ATP6V1E1: variants seen among roughly 807,000 people sequenced by gnomAD.
ATP6V1E1 encodes the protein ATPase H+ transporting V1 subunit E1, also known as V-type proton ATPase subunit E 1.
In ATP6V1E1, 21 loss-of-function variants were observed where a neutral mutation model predicts 35.2. That is an observed-to-expected ratio of 0.60 (90% CI 0.42 to 0.86). ATP6V1E1 has a LOEUF of 0.86. Among genes scored for constraint, ATP6V1E1 ranks in the 40% least tolerant of loss-of-function variants. ATP6V1E1 has a pLI of 0.00. For missense variants in ATP6V1E1, 183 were observed against 272.6 expected (o/e 0.67, Z 2.32); for synonymous variants, 83 against 87.8 (o/e 0.95, Z 0.30).
At chr22:17,616,023 C>T (rs906452466) in intron 2 of ATP6V1E1, among the ~76,000 whole-genome samples, 1 of 145,388 alleles carries the variant, frequency 6.9e-6, no homozygotes, top group Non-Finnish European at 1.5e-5. Flanking sequence ...CAGTGCAAGA[C>T]TCCATCTCAA....
At chr22:17,627,756 T>C (rs2057923540) in intron 1 of ATP6V1E1, among the ~76,000 whole-genome samples, 1 of 145,732 alleles carries the variant, frequency 6.9e-6, no homozygotes, top group South Asian at 2.3e-4. Flanking sequence ...GGGGCGGAGG[T>C]TGCAGTGAGC....
intron 4 of ATP6V1E1, among the ~76,000 whole-genome samples, chr22:17,607,239 C>T (rs1297622044): frequency 2.6e-5 from 4 of 152,070 alleles, no homozygotes; most frequent in Admixed American, 6.6e-5. Flanking sequence ...CTCACTGCAA[C>T]ATCTGACTCC....
intron 4 of ATP6V1E1, among the ~76,000 whole-genome samples, chr22:17,611,573 C>T: frequency 6.6e-6 from 1 of 152,184 alleles, no homozygotes. Flanking sequence ...GTCCAGCCCA[C>T]CCAGGGATGC....
At chr22:17,628,288 C>G (rs979623804) in intron 1 of ATP6V1E1, among the ~76,000 whole-genome samples, 4 of 152,200 alleles carry the variant, frequency 2.6e-5, no homozygotes, top group Non-Finnish European at 5.9e-5. Context: ...TCAATCCTTG[C>G]ACAGATCTCT....
In ATP6V1E1 at chr22:17,603,351, G is replaced by A. The variant is rs142139015; in HGVS notation, c.277-2170C>T. 1.2e-3 allele frequency among the ~76,000 whole-genome samples: 178 copies of A among 149,670 alleles called. 2 individuals carry two copies. The East Asian group carries it at 0.022, about 19-fold the overall frequency. On this transcript the variant is annotated intron_variant, in intron 4 of 8. Transcript: ENST00000253413. ...AGCCGGGGCAACAGAGTGAGACCTC[G>A]TCTCTGTAAAATTAAAAAAAAAAAT...
intron 1 of ATP6V1E1, among the ~76,000 whole-genome samples, chr22:17,625,949 A>C (rs2057902150): frequency 6.6e-6 from 1 of 151,800 alleles, no homozygotes; most frequent in Non-Finnish European, 1.5e-5. Context: ...ATTTTTTCCC[A>C]TAAACTCTGA....
intron 4 of ATP6V1E1, among the ~76,000 whole-genome samples, chr22:17,606,454 T>C (rs1303640804): frequency 6.6e-6 from 1 of 151,650 alleles, no homozygotes; most frequent in Non-Finnish European, 1.5e-5. Flanking sequence ...CAGGGTTCAA[T>C]GACGGCAAGA....
At chr22:17,621,380 C>A (rs1185009209) in intron 1 of ATP6V1E1, among the ~76,000 whole-genome samples, 1 of 152,178 alleles carries the variant, frequency 6.6e-6, no homozygotes, top group Non-Finnish European at 1.5e-5. Context: ...CACAATCCCG[C>A]CTCATTTTGA....
At chr22:17,621,621 GA>G (rs1324165998) in intron 1 of ATP6V1E1, among the ~76,000 whole-genome samples, 1 of 152,118 alleles carries the variant, frequency 6.6e-6, no homozygotes, top group Non-Finnish European at 1.5e-5. Flanking sequence ...AGCATCATAT[GA>G]AACAACAAAC....
At chr22:17,612,484 G>A (rs2057820207) in intron 4 of ATP6V1E1, 1 of 220,430 alleles carries the variant, frequency 4.5e-6, no homozygotes, top group African/African-American at 2.3e-5. Context: ...TTGAAAACAG[G>A]TGAAGCTCTT....
chr22:17,598,694 C>G (rs4819608), intron 6 of ATP6V1E1, among the ~76,000 whole-genome samples: 23,432 of 152,104 alleles, frequency 0.15, 2,396 homozygotes, highest in Non-Finnish European at 0.23. Context: ...GAGGGGGAGA[C>G]AGCAGGCACC....
intron 1 of ATP6V1E1, among the ~76,000 whole-genome samples, chr22:17,624,465 G>A (rs1294566130): frequency 6.6e-6 from 1 of 151,986 alleles, no homozygotes; most frequent in African/African-American, 2.4e-5. Context: ...GATGCAGGAG[G>A]ATCGCTTGAA....
intron 1 of ATP6V1E1, among the ~76,000 whole-genome samples, chr22:17,621,554 C>T (rs1463225964): frequency 2.6e-5 from 4 of 152,132 alleles, no homozygotes; most frequent in African/African-American, 9.7e-5. Context: ...CTTGGCTTCC[C>T]GAAGTGCTGG....
intron 2 of ATP6V1E1, 122 bp from the exon 3 acceptor site, chr22:17,613,442 TTG>T: frequency 1.4e-6 from 1 of 720,826 alleles, no homozygotes. Context: ...AGAAAATTTA[TTG>T]TGATTCATTT....
intron 1 of ATP6V1E1, among the ~76,000 whole-genome samples, chr22:17,626,351 TC>T (rs1248889624): frequency 6.7e-6 from 1 of 149,534 alleles, no homozygotes; most frequent in African/African-American, 2.5e-5. Flanking sequence ...AAAGCGGTCT[TC>T]CATTTGACAC....
intron 4 of ATP6V1E1, among the ~76,000 whole-genome samples, chr22:17,603,279 T>G (rs1330958189): frequency 1.3e-5 from 2 of 151,970 alleles, no homozygotes; most frequent in African/African-American, 4.8e-5. Context: ...CAGTCTTTAA[T>G]GGGAGGCATA....
At chr22:17,616,904 C>G (rs1259334053) in intron 2 of ATP6V1E1, among the ~76,000 whole-genome samples, 1 of 113,218 alleles carries the variant, frequency 8.8e-6, no homozygotes, top group African/African-American at 3.6e-5. Flanking sequence ...AAAAATTAGC[C>G]GGGTGTAGTG....
chr22:17,592,876 A>G (rs891366351), intron 8 of ATP6V1E1, 140 bp from the exon 9 acceptor site: 4 of 717,296 alleles, frequency 5.6e-6, no homozygotes, highest in Admixed American at 5.1e-5. Context: ...ATCTCCGCTC[A>G]TTGCAAGCTC....
chr22:17,594,619 G>C lies in ATP6V1E1; in HGVS notation c.531-3C>G. On this transcript the variant is annotated splice_polypyrimidine_tract_variant and splice_region_variant and intron_variant, in intron 7 of 8. Transcript: ENST00000253413. ...TATAGATCTCAACTCCACCAGCTCT[G>C]CAAAAAAAAAAGCACAGGAAATAAT... The C allele has an allele frequency of 6.6e-7, 1 of 1,515,084 alleles. No individual in the cohort carries two copies. The allele number at this position is 1,515,084 out of a possible 1,614,324, so 93.9% of individuals were successfully genotyped here. A position where few individuals can be genotyped will look rare whatever the true frequency, so the allele number is the denominator to read the frequency against.
Sources: allele counts gnomAD v4.1 joint callset (sites outside exome capture counted in the v4.1 genomes callset), GRCh38; gene constraint gnomAD v4.1.1; transcripts MANE v1.5; gene names NCBI Gene and HGNC (gene_info 2026-07-23, HGNC 2026-07-21).